The following COL28A1 variants were observed in gnomAD, a reference collection of about 807,000 sequenced individuals.
The protein encoded by COL28A1 is collagen alpha-1(XXVIII) chain.
In COL28A1, 161 loss-of-function variants were observed where a neutral mutation model predicts 150.2. The observed-to-expected ratio is 1.07, with a 90% confidence interval of 0.94 to 1.22. COL28A1 has a LOEUF of 1.22. COL28A1 is among the 50% of genes most tolerant of loss of function. COL28A1 has a pLI of 0.00. For synonymous variants in COL28A1, 552 were observed against 469.7 expected, an observed-to-expected ratio of 1.18 and a Z score of -2.26; for missense variants, 1,617 against 1,388.3, an observed-to-expected ratio of 1.16 and a Z score of -2.62.
intron 23 of COL28A1, among the ~76,000 whole-genome samples, chr7:7,435,220 T>G (rs770428801): frequency 6.6e-6 from 1 of 152,160 alleles, no homozygotes; most frequent in Non-Finnish European, 1.5e-5. Flanking sequence ...GAAGTATATG[T>G]AGAGAGAGAT....
At chr7:7,410,847 A>T (rs889733693) in intron 27 of COL28A1, among the ~76,000 whole-genome samples, 8 of 152,320 alleles carry the variant, frequency 5.3e-5, no homozygotes, top group African/African-American at 1.9e-4. Context: ...AGGTACTTAC[A>T]ACTTAGTGTA....
At chr7:7,339,062 G>T in the COL28A1 span, among the ~76,000 whole-genome samples, 1 of 152,026 alleles carries the variant, frequency 6.6e-6, no homozygotes, top group Non-Finnish European at 1.5e-5. Flanking sequence ...CCAAATGCAC[G>T]AGTGAGCACA....
the COL28A1 span, among the ~76,000 whole-genome samples, chr7:7,338,477 G>A: frequency 6.6e-6 from 1 of 151,974 alleles, no homozygotes; most frequent in Non-Finnish European, 1.5e-5. Flanking sequence ...TTGTGTTCTT[G>A]ATTTGGCTCT....
intron 27 of COL28A1, among the ~76,000 whole-genome samples, chr7:7,396,664 AAGC>A (rs1373061319): frequency 1.2e-4 from 19 of 152,214 alleles, no homozygotes; most frequent in Non-Finnish European, 2.6e-4. Context: ...GTTATCAGGC[AAGC>A]CATTTGTTGA....
intron 30 of COL28A1, among the ~76,000 whole-genome samples, chr7:7,378,814 G>C (rs1781709808): frequency 1.3e-5 from 2 of 152,286 alleles, no homozygotes; most frequent in South Asian, 4.1e-4. Flanking sequence ...GCAGATTAAA[G>C]GTGGGATCTT....
At chr7:7,385,079 GC>G (rs1782101625) in intron 27 of COL28A1, among the ~76,000 whole-genome samples, 1 of 152,236 alleles carries the variant, frequency 6.6e-6, no homozygotes, top group African/African-American at 2.4e-5. Context: ...ACTGCAGGCA[GC>G]TACCTGCCTG....
At position 7,416,101 on chromosome 7, in the gene COL28A1, C is replaced by T. The variant is rs147266890; in HGVS notation, c.2136+1758G>A. Among the ~76,000 whole-genome samples, 415 of 152,324 alleles carry T rather than the reference C, an allele frequency of 2.7e-3. 1 individual carries two copies. Among genetic ancestry groups the T allele is most frequent in the African/African-American group, 9.6e-3 (399 of 41,572 alleles). On this transcript the variant is annotated intron_variant, in intron 27 of 34. Coordinates refer to ENST00000399429, the MANE Select transcript of COL28A1 (RefSeq NM_001037763.3). ...TACAGGCATGAGCCACTGCACCCGG[C>T]CTAGAGAAGTTTTATGAGTGAGCCT...
chr7:7,493,670 C>A (rs1056872801), intron 11 of COL28A1, among the ~76,000 whole-genome samples: 2 of 152,042 alleles, frequency 1.3e-5, no homozygotes, highest in Non-Finnish European at 2.9e-5. Flanking sequence ...TTCCCATTTC[C>A]CCTTTTTCTT....
intron 13 of COL28A1, among the ~76,000 whole-genome samples, chr7:7,480,468 T>C (rs1789293787): frequency 6.6e-6 from 1 of 152,182 alleles, no homozygotes; most frequent in African/African-American, 2.4e-5. Flanking sequence ...TGAAAATTAT[T>C]AATAGATTGC....
In COL28A1 at chr7:7,480,672, T is replaced by C. The variant is rs1444092602; in HGVS notation, c.1165-3492A>G. Among the ~76,000 whole-genome samples, 3 of 152,230 alleles carry C rather than the reference T, an allele frequency of 2.0e-5. No individual in the cohort carries two copies. In the East Asian group the frequency reaches 5.8e-4, roughly 29 times the overall value. On this transcript the variant is annotated intron_variant, in intron 13 of 34. Coordinates refer to ENST00000399429, the MANE Select transcript of COL28A1 (RefSeq NM_001037763.3). ...GAAGTATTTTTCCAGTTCACTCAAC[T>C]TTTTTCATTCATCCAACAAAGATAT...
chr7:7,350,785 CA>C, the COL28A1 span, among the ~76,000 whole-genome samples: 134 of 143,400 alleles, frequency 9.3e-4, no homozygotes, highest in Admixed American at 1.6e-3. Context: ...TTAAGACGTA[CA>C]AAAAAAAAGT....
At chr7:7,389,981 A>C (rs1583273924) in intron 27 of COL28A1, among the ~76,000 whole-genome samples, 1 of 152,100 alleles carries the variant, frequency 6.6e-6, no homozygotes, top group South Asian at 2.1e-4. Context: ...AATACCCTTT[A>C]TTTCTTTCTC....
intron 26 of COL28A1, among the ~76,000 whole-genome samples, chr7:7,418,138 A>T (rs1784207451): frequency 6.6e-6 from 1 of 152,246 alleles, no homozygotes; most frequent in South Asian, 2.1e-4. Context: ...ATATAATCCA[A>T]ATAAAAATTA....
chr7:7,481,288 T>C (rs995761615), intron 13 of COL28A1, among the ~76,000 whole-genome samples: 2 of 152,150 alleles, frequency 1.3e-5, no homozygotes, highest in Admixed American at 6.5e-5. Flanking sequence ...GACAGTCTTT[T>C]AGGAGAAAAA....
intron 9 of COL28A1, among the ~76,000 whole-genome samples, chr7:7,510,723 A>G (rs1372829721): frequency 1.3e-5 from 2 of 152,198 alleles, no homozygotes; most frequent in Non-Finnish European, 2.9e-5. Context: ...TCTTCACACT[A>G]TTTTGGAAAG....
chr7:7,509,042 C>A (rs187368717), intron 9 of COL28A1, among the ~76,000 whole-genome samples: 9 of 152,278 alleles, frequency 5.9e-5, no homozygotes, highest in Admixed American at 3.3e-4. Flanking sequence ...CCTTGTTAGC[C>A]AGGCTTGTCT....
chr7:7,387,964 T>A (rs778743691), intron 27 of COL28A1, among the ~76,000 whole-genome samples: 1 of 152,206 alleles, frequency 6.6e-6, no homozygotes, highest in Non-Finnish European at 1.5e-5. Context: ...AGGAGGCTTC[T>A]ACTGTTACCA....
At chr7:7,531,983 G>C (rs1782392174) in intron 2 of COL28A1, 79 bp from the exon 3 acceptor site, 1 of 821,338 alleles carries the variant, frequency 1.2e-6, no homozygotes, top group Admixed American at 2.3e-5. Flanking sequence ...CCCTGAAGTG[G>C]TGTGTTGTAT....
chr7:7,443,570 CT>C lies in COL28A1; in HGVS notation c.1650+14del, dbSNP rs768828984. The C allele has an allele frequency of 6.2e-7, 1 of 1,613,922 alleles. No individual in the cohort carries two copies. Among genetic ancestry groups the C allele is most frequent in the South Asian group, 1.1e-5 (1 of 91,038 alleles). Reference sequence around the variant, plus strand: ...AGAACACAGGCTGCTTCCACCAACACTGTCATTTCCATACCTTGGGGCCAGG... The same window carrying C: ...AGAACACAGGCTGCTTCCACCAACACGTCATTTCCATACCTTGGGGCCAGG... On this transcript the variant is annotated intron_variant, in intron 20 of 34. Transcript: ENST00000399429.
Sources: gnomAD v4.1 joint callset for allele counts (sites outside exome capture counted in the v4.1 genomes callset) on GRCh38, gnomAD v4.1.1 for gene constraint, MANE v1.5 for transcripts, NCBI Gene and HGNC (gene_info 2026-07-23, HGNC 2026-07-21) for gene names.